Variants in USP25 observed in about 807,000 individuals in gnomAD.
USP25 encodes the protein ubiquitin carboxyl-terminal hydrolase 25.
USP25 carries 85 observed loss-of-function variants against 158.5 expected under a neutral mutation model. The ratio of observed to expected loss-of-function variants is 0.54; its 90% CI spans 0.45 to 0.64. USP25 has a LOEUF of 0.64. Ranked by LOEUF, USP25 falls within the 30% of genes least tolerant of loss-of-function variation. The pLI is 0.00. For missense variants in USP25, 1,242 were observed against 1,327.3 expected, an observed-to-expected ratio of 0.94 and a Z score of 1.00; for synonymous variants, 464 against 460.4, an observed-to-expected ratio of 1.01 and a Z score of -0.10.
intron 20 of USP25, among the ~76,000 whole-genome samples, chr21:15,859,557 A>G (rs1021513105): frequency 1.3e-5 from 2 of 152,038 alleles, no homozygotes; most frequent in African/African-American, 2.4e-5. Context: ...CTGATCCTTG[A>G]AGATTTGACA....
chr21:15,771,332 C>G lies in USP25; in HGVS notation c.268+5191C>G, dbSNP rs571146562. Among the ~76,000 whole-genome samples the G allele has an allele frequency of 2.0e-5, 3 of 150,778 alleles. No homozygotes were observed. In the South Asian group the frequency reaches 6.3e-4, roughly 32 times the overall value. ...AGCTCATATTTGAGGAACAGTAGACCTGGACATAGACAAACAAGTGATGGG... is the reference window on the plus strand; with the variant it reads ...AGCTCATATTTGAGGAACAGTAGACGTGGACATAGACAAACAAGTGATGGG... On this transcript the variant is annotated intron_variant, in intron 3 of 25. Transcript: ENST00000400183.
intron 10 of USP25, among the ~76,000 whole-genome samples, chr21:15,823,696 G>A (rs2037350200): frequency 6.6e-6 from 1 of 152,084 alleles, no homozygotes; most frequent in Non-Finnish European, 1.5e-5. Flanking sequence ...TCAACATCAC[G>A]TTGAAGAAGA....
intron 5 of USP25, 65 bp from the exon 6 acceptor site, chr21:15,799,692 G>T: frequency 8.7e-7 from 1 of 1,150,558 alleles, no homozygotes; most frequent in Non-Finnish European, 1.2e-6. Context: ...TCCAAGACTA[G>T]TCATTTTTAC....
At chr21:15,814,775 A>G (rs1454733813) in intron 9 of USP25, among the ~76,000 whole-genome samples, 1 of 152,178 alleles carries the variant, frequency 6.6e-6, no homozygotes, top group African/African-American at 2.4e-5. Flanking sequence ...TGAAAGGGAA[A>G]CAGAGCATAA....
At chr21:15,785,355 A>T (rs964200729) in intron 4 of USP25, among the ~76,000 whole-genome samples, 2 of 152,176 alleles carry the variant, frequency 1.3e-5, no homozygotes, top group East Asian at 3.8e-4. Context: ...GAAACATGAG[A>T]CTTAAACTAC....
At chr21:15,860,948 A>G (rs2039396386) in intron 20 of USP25, among the ~76,000 whole-genome samples, 1 of 143,768 alleles carries the variant, frequency 7.0e-6, no homozygotes, top group African/African-American at 2.7e-5. Flanking sequence ...TATATTTGGT[A>G]TCTTCATATA....
At chr21:15,791,692 AT>A in intron 5 of USP25, 28 bp downstream of exon 5, 1 of 1,588,570 alleles carries the variant, frequency 6.3e-7, no homozygotes. Flanking sequence ...TTCAGTTCTT[AT>A]TTGATGTGTG....
At chr21:15,739,019 C>A (rs1282827126) in intron 1 of USP25, among the ~76,000 whole-genome samples, 1 of 152,166 alleles carries the variant, frequency 6.6e-6, no homozygotes, top group Non-Finnish European at 1.5e-5. Context: ...GAATTGCTCA[C>A]CCCGGGAGCT....
At chr21:15,750,146 T>C (rs1282566825) in intron 1 of USP25, among the ~76,000 whole-genome samples, 4 of 151,450 alleles carry the variant, frequency 2.6e-5, no homozygotes, top group Non-Finnish European at 4.4e-5. Flanking sequence ...TGGCCAATGA[T>C]TTAATCAATT....
chr21:15,824,008 A>C, intron 10 of USP25, 31 bp from the exon 11 acceptor site: 1 of 1,596,728 alleles, frequency 6.3e-7, no homozygotes, highest in East Asian at 2.3e-5. Context: ...GGTGGTATTA[A>C]AGTTTTTGTT....
intron 22 of USP25, among the ~76,000 whole-genome samples, chr21:15,867,818 G>C (rs2039722888): frequency 6.6e-6 from 1 of 152,124 alleles, no homozygotes; most frequent in African/African-American, 2.4e-5. Flanking sequence ...TGTGACTTCT[G>C]TGGGGAAAAT....
chr21:15,864,567 CG>C, intron 21 of USP25, 121 bp downstream of exon 21: 1 of 938,872 alleles, frequency 1.1e-6, no homozygotes, highest in Non-Finnish European at 1.5e-6. Context: ...TTAATAAATA[CG>C]TAACAAAATT....
intron 1 of USP25, chr21:15,745,202 C>T (rs1004646899): frequency 1.3e-5 from 2 of 152,168 alleles, no homozygotes; most frequent in African/African-American, 4.8e-5. Flanking sequence ...CTGTCTTTTC[C>T]TTATTGACCA....
intron 3 of USP25, among the ~76,000 whole-genome samples, chr21:15,770,445 C>T (rs1423263605): frequency 2.0e-5 from 3 of 152,018 alleles, no homozygotes; most frequent in Non-Finnish European, 4.4e-5. Flanking sequence ...TAGCCATGGT[C>T]TTTGTACTTT....
At chr21:15,735,263 A>G (rs2031374970) in intron 1 of USP25, among the ~76,000 whole-genome samples, 1 of 152,186 alleles carries the variant, frequency 6.6e-6, no homozygotes, top group African/African-American at 2.4e-5. Context: ...GAATCCATAG[A>G]TTCAACCAGC....
At position 15,878,533 on chromosome 21, in the gene USP25, TTC is replaced by T; in HGVS notation, c.*59_*60del. 2 of 1,520,882 alleles carry T rather than the reference TTC, an allele frequency of 1.3e-6. No individual in the cohort carries two copies. Among genetic ancestry groups the T allele is most frequent in the Admixed American group, 2.1e-5 (1 of 48,356 alleles). The allele number at this position is 1,520,882 out of a possible 1,614,324, so 94.2% of individuals were successfully genotyped here. The stretch of plus-strand genomic sequence containing the variant: ...CTCTTTTTAGTTCTTAACCCTTGCC[TTC>T]CTGTCACAGGGTTTGCTTGTTGCTG... On this transcript the variant is annotated 3_prime_UTR_variant, in exon 26 of 26. Transcript: ENST00000400183.
intron 22 of USP25, 82 bp from the exon 23 acceptor site, chr21:15,869,986 A>G: frequency 1.0e-6 from 1 of 987,646 alleles, no homozygotes; most frequent in South Asian, 1.9e-5. Context: ...TAGTAGCGAA[A>G]CAGTGCATTA....
intron 14 of USP25, 109 bp downstream of exon 14, chr21:15,827,312 T>G: frequency 1.0e-6 from 1 of 975,246 alleles, no homozygotes; most frequent in East Asian, 2.7e-5. Flanking sequence ...ATTATAGTCA[T>G]TTTTCTTTTC....
In USP25 at chr21:15,730,408, G is replaced by A. The variant is rs1256915301; in HGVS notation, c.15G>A (p.Gln5=). The change falls in exon 1 of 26, where the codon CAG becomes CAA. Residue 5 remains glutamine (Q), a synonymous_variant. Coordinates refer to ENST00000400183, the MANE Select transcript of USP25 (RefSeq NM_001283041.3). ...CCGCGGGGGCCATGACCGTGGAGCA[G>A]AACGTGCTGCAGCAGAGCGCGGCGC... MTVE[Q]NVLQQSAAQK... is the part of the protein sequence containing the mutation. 2.2e-6 allele frequency: 3 copies of A among 1,345,076 alleles called. No individual in the cohort carries two copies. Among genetic ancestry groups the A allele is most frequent in the African/African-American group, 1.5e-5 (1 of 65,292 alleles). The allele number at this position is 1,345,076 out of a possible 1,614,324, so 83.3% of individuals were successfully genotyped here. A position where few individuals can be genotyped will look rare whatever the true frequency, so the allele number is the denominator to read the frequency against.
Sources: allele counts gnomAD v4.1 joint callset (sites outside exome capture counted in the v4.1 genomes callset), GRCh38; gene constraint gnomAD v4.1.1; transcripts MANE v1.5; gene names NCBI Gene and HGNC (gene_info 2026-07-23, HGNC 2026-07-21).